The following MTREX variants were observed in gnomAD, a reference collection of about 807,000 sequenced individuals.
MTREX encodes Mtr4 exosome RNA helicase.
Under a neutral mutation model 135.4 loss-of-function variants are expected in MTREX, and 76 were observed. The ratio of observed to expected loss-of-function variants is 0.56; its 90% CI spans 0.47 to 0.68. The LOEUF (loss-of-function observed/expected upper bound fraction) is 0.68, where lower values mean the gene tolerates loss of function less well. MTREX is among the 30% of genes least tolerant of loss of function. The probability of loss-of-function intolerance (pLI) is 0.00; values close to 1 mark genes in which losing one functional copy is unlikely to be tolerated. For synonymous variants in MTREX, 404 were observed against 401.6 expected, an observed-to-expected ratio of 1.01 and a Z score of -0.07; for missense variants, 920 against 1,262.1, an observed-to-expected ratio of 0.73 and a Z score of 4.11.
chr5:55,374,960 G>A (rs1392731850), intron 16 of MTREX, among the ~76,000 whole-genome samples: 2 of 152,096 alleles, frequency 1.3e-5, no homozygotes, highest in Non-Finnish European at 2.9e-5. Context: ...GGCGTCCAGG[G>A]GAGACATCAC....
rs556894045 is a variant in MTREX at position 55,400,327 on chromosome 5, A to C, written c.2387A>C (p.Lys796Thr). The C allele has an allele frequency of 6.2e-7, 1 of 1,613,746 alleles. No homozygotes were observed. The highest frequency in any genetic ancestry group is 8.5e-7 in the Non-Finnish European group (1 of 1,179,780). The change falls in exon 21 of 27, where the codon AAA becomes ACA. Residue 796 changes from lysine to threonine, a missense_variant. Transcript: ENST00000230640. ...CAAGGGCTGAAAAAAGTCATTCAGA[A>C]AGTAGAAGCTTTTGAGCATCGAATG... ...QDQGLKKVIQ[K>T]VEAFEHRMYS... is the part of the protein sequence containing the mutation.
intron 16 of MTREX, among the ~76,000 whole-genome samples, chr5:55,371,541 A>G (rs1176322640): frequency 6.6e-6 from 1 of 152,182 alleles, no homozygotes; most frequent in Middle Eastern, 3.2e-3. Context: ...GCAATGACCC[A>G]TGAGGCCTTC....
intron 3 of MTREX, among the ~76,000 whole-genome samples, chr5:55,325,959 A>AT (rs1167961181): frequency 6.6e-6 from 1 of 152,080 alleles, no homozygotes; most frequent in Non-Finnish European, 1.5e-5. Flanking sequence ...ATTTCTAGAA[A>AT]TTTATCTTTT....
intron 15 of MTREX, among the ~76,000 whole-genome samples, chr5:55,360,661 A>C (rs1749992916): frequency 6.6e-6 from 1 of 152,156 alleles, no homozygotes; most frequent in African/African-American, 2.4e-5. Context: ...TATGAAGGAG[A>C]ACATTTCACT....
At chr5:55,338,786 CTTTTTTTTTTT>C (rs67612518) in intron 5 of MTREX, among the ~76,000 whole-genome samples, 2 of 92,258 alleles carry the variant, frequency 2.2e-5, no homozygotes, top group African/African-American at 4.6e-5. Context: ...CTTTCTTTTT[CTTTTTTTTTTT>C]TTTTTTTTTT....
intron 21 of MTREX, among the ~76,000 whole-genome samples, chr5:55,401,656 A>G (rs1186258006): frequency 6.6e-6 from 1 of 152,116 alleles, no homozygotes; most frequent in Non-Finnish European, 1.5e-5. Flanking sequence ...AGCATGTGTT[A>G]TTGTCTGTGG....
rs1750930384 is a variant in MTREX at position 55,414,216 on chromosome 5, C to T, written c.2786C>T (p.Ala929Val). The change falls in exon 24 of 27, where the codon GCA becomes GTA. Residue 929 changes from alanine to valine, a missense_variant. Ala to Val is a moderately conservative substitution (Grantham distance 64). Coordinates refer to ENST00000230640, the MANE Select transcript of MTREX (RefSeq NM_015360.5). Reference protein sequence around the residue: ...SEMPKLTEQLAGPLRQMQECA... With the variant: ...SEMPKLTEQLVGPLRQMQECA... ...ATGCCCAAATTAACAGAACAATTAG[C>T]AGGACCACTTCGTCAAATGCAGGTA... The T allele has an allele frequency of 9.6e-6, 15 of 1,567,098 alleles. No homozygotes were observed. Among genetic ancestry groups the T allele is most frequent in the Non-Finnish European group, 1.3e-5 (15 of 1,165,774 alleles).
chr5:55,364,068 G>A (rs571479724), intron 15 of MTREX, among the ~76,000 whole-genome samples: 38 of 152,200 alleles, frequency 2.5e-4, no homozygotes, highest in Non-Finnish European at 4.9e-4. Context: ...ATGGAGGAAT[G>A]TAGGTGGGGC....
At chr5:55,376,805 C>T (rs1487925480) in intron 16 of MTREX, among the ~76,000 whole-genome samples, 1 of 152,130 alleles carries the variant, frequency 6.6e-6, no homozygotes, top group East Asian at 1.9e-4. Flanking sequence ...TGTGGTGGCT[C>T]ACGCCTGTAA....
chr5:55,398,493 A>G (rs913077131), intron 20 of MTREX, among the ~76,000 whole-genome samples: 1 of 152,238 alleles, frequency 6.6e-6, no homozygotes, highest in African/African-American at 2.4e-5. Context: ...CAAAACAATC[A>G]CTCCTAGAAG....
At chr5:55,391,765 C>CTA (rs1470319024) in intron 19 of MTREX, among the ~76,000 whole-genome samples, 2 of 152,138 alleles carry the variant, frequency 1.3e-5, no homozygotes, top group Non-Finnish European at 2.9e-5. Context: ...TTAAATCCAC[C>CTA]TATAACCTGT....
chr5:55,336,838 T>C (rs1749561103), intron 5 of MTREX, among the ~76,000 whole-genome samples: 2 of 152,182 alleles, frequency 1.3e-5, no homozygotes, highest in East Asian at 3.8e-4. Flanking sequence ...TCTGGTTTAT[T>C]CTAGACTTTT....
Position 55,356,468 on chromosome 5 carries a change from G to T in MTREX, c.1534-2105G>T. 3 of 206,550 alleles carry T rather than the reference G, an allele frequency of 1.5e-5. No individual in the cohort carries two copies. The South Asian group carries it at 2.9e-4, about 20-fold the overall frequency. The allele number at this position is 206,550 out of a possible 1,614,324, so 12.8% of individuals were successfully genotyped here. ...CACATTTGAGGAGGTTTTGGGAGAT[G>T]AACTGGTGCAGATTCTTCGTGGATG... On this transcript the variant is annotated intron_variant, in intron 14 of 26. Coordinates refer to ENST00000230640, the MANE Select transcript of MTREX (RefSeq NM_015360.5).
chr5:55,324,304 CAATA>C (rs1749335364), intron 3 of MTREX, 106 bp downstream of exon 3: 4 of 632,440 alleles, frequency 6.3e-6, no homozygotes, highest in African/African-American at 5.8e-5. Flanking sequence ...ACCTTGGAAA[CAATA>C]AATAGTTTCC....
At chr5:55,350,808 TAA>T (rs1400081761) in intron 12 of MTREX, 109 bp from the exon 13 acceptor site, 3 of 861,298 alleles carry the variant, frequency 3.5e-6, no homozygotes, top group Non-Finnish European at 5.3e-6. Flanking sequence ...AAGATTTTAT[TAA>T]GTTTCTTTAA....
chr5:55,311,100 A>T (rs1412690195), intron 1 of MTREX, among the ~76,000 whole-genome samples: 1 of 152,208 alleles, frequency 6.6e-6, no homozygotes, highest in African/African-American at 2.4e-5. Flanking sequence ...CTTTTTAAAA[A>T]AACTTTATGA....
At chr5:55,317,650 T>C (rs1008015878) in intron 1 of MTREX, among the ~76,000 whole-genome samples, 13 of 151,976 alleles carry the variant, frequency 8.6e-5, no homozygotes, top group African/African-American at 3.1e-4. Flanking sequence ...TAAAGACAAA[T>C]GTAAAACCCA....
chr5:55,339,198 T>C (rs1190313341), intron 5 of MTREX, among the ~76,000 whole-genome samples: 1 of 152,234 alleles, frequency 6.6e-6, no homozygotes, highest in Non-Finnish European at 1.5e-5. Context: ...GGTCATACTT[T>C]CCTGTTTGTT....
At chr5:55,361,145 A>G (rs1035354084) in intron 15 of MTREX, among the ~76,000 whole-genome samples, 1 of 152,260 alleles carries the variant, frequency 6.6e-6, no homozygotes, top group Non-Finnish European at 1.5e-5. Flanking sequence ...AGGCTAAAAA[A>G]TAGTCATGTC....
Sources: allele counts gnomAD v4.1 joint callset (sites outside exome capture counted in the v4.1 genomes callset), GRCh38; gene constraint gnomAD v4.1.1; transcripts MANE v1.5; gene names NCBI Gene and HGNC (gene_info 2026-07-23, HGNC 2026-07-21).